Variants in ATG4C observed in about 807,000 individuals in gnomAD.
ATG4C encodes the protein autophagy related 4C cysteine peptidase.
ATG4C carries 56 observed loss-of-function variants against 57.6 expected under a neutral mutation model. That is an observed-to-expected ratio of 0.97 (90% CI 0.78 to 1.21). The LOEUF (loss-of-function observed/expected upper bound fraction) is 1.21, where lower values mean the gene tolerates loss of function less well. ATG4C is among the 50% of genes most tolerant of loss of function. The pLI is 0.00. For synonymous variants in ATG4C, 157 were observed against 174.1 expected, an observed-to-expected ratio of 0.90 and a Z score of 0.78; for missense variants, 595 against 529.8, an observed-to-expected ratio of 1.12 and a Z score of -1.21.
At chr1:62,857,073 G>A (rs1050150178) in intron 10 of ATG4C, among the ~76,000 whole-genome samples, 2 of 152,092 alleles carry the variant, frequency 1.3e-5, no homozygotes, top group Non-Finnish European at 2.9e-5. Flanking sequence ...AGTGCTCTTC[G>A]CCCAGAACTT....
chr1:62,855,361 A>AT (rs1476142633), intron 10 of ATG4C, among the ~76,000 whole-genome samples: 3 of 151,708 alleles, frequency 2.0e-5, no homozygotes, highest in Non-Finnish European at 4.4e-5. Context: ...TTTTATTCTT[A>AT]TTTTTTTCAT....
At chr1:62,788,164 C>A (rs1296311804) in intron 1 of ATG4C, among the ~76,000 whole-genome samples, 2 of 152,002 alleles carry the variant, frequency 1.3e-5, no homozygotes, top group Non-Finnish European at 2.9e-5. Flanking sequence ...CAAACCTTTT[C>A]GAAGTTTGAA....
chr1:62,819,409 G>A lies in ATG4C; in HGVS notation c.725+74G>A, dbSNP rs894140494. On this transcript the variant is annotated intron_variant, in intron 5 of 10. Transcript: ENST00000317868. Reference sequence around the variant, plus strand: ...TAAGAGATACTGATTTTTGCAATGTGTATATATAATTGGAACTTTAAAAGT... The same window carrying A: ...TAAGAGATACTGATTTTTGCAATGTATATATATAATTGGAACTTTAAAAGT... The A allele has an allele frequency of 3.3e-6, 4 of 1,201,030 alleles. No individual in the cohort carries two copies. In the African/African-American group the frequency reaches 6.2e-5, roughly 19 times the overall value. 74.4% of individuals were successfully genotyped at this position (1,201,030 alleles called of 1,614,324 possible).
chr1:62,807,766 CA>C (rs1664929049), intron 3 of ATG4C, among the ~76,000 whole-genome samples: 1 of 152,174 alleles, frequency 6.6e-6, no homozygotes, highest in Non-Finnish European at 1.5e-5. Context: ...GAAATATAAC[CA>C]AGTGTTTCCT....
At position 62,864,548 on chromosome 1, in the gene ATG4C, A is replaced by G. The variant is rs533954291; in HGVS notation, c.*389A>G. On this transcript the variant is annotated 3_prime_UTR_variant, in exon 11 of 11. Coordinates refer to ENST00000317868, the MANE Select transcript of ATG4C (RefSeq NM_032852.4). Reference sequence around the variant, plus strand: ...TTTCAAAATTCTCAGTTTGTACTGAAGACCAGAAGATCAGAGAAGGAAACT... The same window carrying G: ...TTTCAAAATTCTCAGTTTGTACTGAGGACCAGAAGATCAGAGAAGGAAACT... The G allele has an allele frequency of 2.3e-3, 402 of 172,744 alleles. 5 individuals carry two copies. Among genetic ancestry groups the G allele is most frequent in the African/African-American group, 9.2e-3 (385 of 41,650 alleles). 10.7% of individuals were successfully genotyped at this position (172,744 alleles called of 1,614,324 possible). A position where few individuals can be genotyped will look rare whatever the true frequency, so the allele number is the denominator to read the frequency against.
At chr1:62,814,963 G>A (rs1317402006) in intron 3 of ATG4C, among the ~76,000 whole-genome samples, 2 of 152,158 alleles carry the variant, frequency 1.3e-5, no homozygotes, top group African/African-American at 4.8e-5. Context: ...TACTCAGGAG[G>A]CTGAGGCACA....
chr1:62,861,644 T>G (rs1301808911), intron 10 of ATG4C, among the ~76,000 whole-genome samples: 1 of 144,696 alleles, frequency 6.9e-6, no homozygotes, highest in South Asian at 2.2e-4. Context: ...CACAAACACA[T>G]GAGAAAAATC....
chr1:62,824,431 G>A (rs1665580085), intron 6 of ATG4C, among the ~76,000 whole-genome samples: 1 of 152,158 alleles, frequency 6.6e-6, no homozygotes, highest in Admixed American at 6.5e-5. Flanking sequence ...AAAGAACTGG[G>A]ACAGAAGTGG....
intron 1 of ATG4C, among the ~76,000 whole-genome samples, chr1:62,802,816 A>C (rs994998907): frequency 1.3e-5 from 2 of 152,188 alleles, no homozygotes; most frequent in Non-Finnish European, 2.9e-5. Context: ...AAGTTCTTCC[A>C]ATAGACCATG....
intron 6 of ATG4C, among the ~76,000 whole-genome samples, chr1:62,826,840 G>A (rs1273451337): frequency 6.6e-6 from 1 of 151,142 alleles, no homozygotes; most frequent in Non-Finnish European, 1.5e-5. Context: ...AGAACATGCG[G>A]TATTTGGTTT....
intron 3 of ATG4C, among the ~76,000 whole-genome samples, chr1:62,810,317 A>G (rs1356435006): frequency 2.6e-5 from 4 of 152,238 alleles, no homozygotes; most frequent in Non-Finnish European, 5.9e-5. Flanking sequence ...AAATAATTAG[A>G]AAAATATTCA....
At chr1:62,861,616 CACACACACACAGAG>C (rs747568387) in intron 10 of ATG4C, among the ~76,000 whole-genome samples, 1 of 64,052 alleles carries the variant, frequency 1.6e-5, no homozygotes, top group Non-Finnish European at 4.0e-5. Context: ...CACACACACA[CACACACACACAGAG>C]AGACACAAAC....
At chr1:62,803,698 T>A in intron 1 of ATG4C, 21 bp from the exon 2 acceptor site, 1 of 852,168 alleles carries the variant, frequency 1.2e-6, no homozygotes, top group Non-Finnish European at 1.8e-6. Context: ...AATTACTGAT[T>A]TTTTTCCTTA....
chr1:62,803,990 C>G, intron 2 of ATG4C, 128 bp downstream of exon 2: 2 of 539,338 alleles, frequency 3.7e-6, no homozygotes, highest in Non-Finnish European at 3.2e-6. Flanking sequence ...TGAAATATTT[C>G]TATAAGGAAT....
intron 10 of ATG4C, among the ~76,000 whole-genome samples, chr1:62,850,385 C>T (rs1666467875): frequency 1.3e-5 from 2 of 152,276 alleles, no homozygotes; most frequent in East Asian, 3.9e-4. Flanking sequence ...ACATAGCCGC[C>T]AGAGTGATTT....
At chr1:62,790,333 A>G (rs893171622) in intron 1 of ATG4C, among the ~76,000 whole-genome samples, 3 of 152,198 alleles carry the variant, frequency 2.0e-5, no homozygotes, top group Admixed American at 6.5e-5. Flanking sequence ...TCCCAAAGAG[A>G]GAATTCTGAT....
intron 1 of ATG4C, among the ~76,000 whole-genome samples, chr1:62,791,055 T>A (rs545318136): frequency 6.6e-6 from 1 of 152,360 alleles, no homozygotes; most frequent in East Asian, 1.9e-4. Context: ...GACTGTATTT[T>A]ACCCTGTGAT....
At chr1:62,812,211 G>T (rs149964735) in intron 3 of ATG4C, among the ~76,000 whole-genome samples, 1 of 152,010 alleles carries the variant, frequency 6.6e-6, no homozygotes, top group African/African-American at 2.4e-5. Flanking sequence ...ACATTGATGC[G>T]AAAATCCTCA....
chr1:62,839,062 A>C (rs1666088565), intron 9 of ATG4C, among the ~76,000 whole-genome samples: 1 of 152,072 alleles, frequency 6.6e-6, no homozygotes, highest in East Asian at 1.9e-4. Flanking sequence ...AAAATTAAAA[A>C]ATTTTTATTT....
Sources: allele counts gnomAD v4.1 joint callset (sites outside exome capture counted in the v4.1 genomes callset), GRCh38; gene constraint gnomAD v4.1.1; transcripts MANE v1.5; gene names NCBI Gene and HGNC (gene_info 2026-07-23, HGNC 2026-07-21).